KCNH1: variants seen among roughly 807,000 people sequenced by gnomAD.
KCNH1 encodes voltage-gated delayed rectifier potassium channel KCNH1.
Under a neutral mutation model 69.2 loss-of-function variants are expected in KCNH1, and 27 were observed. That is an observed-to-expected ratio of 0.39 (90% CI 0.29 to 0.54). KCNH1 has a LOEUF of 0.54. Among genes scored for constraint, KCNH1 ranks in the 20% least tolerant of loss-of-function variants. The pLI, the probability that KCNH1 is intolerant of heterozygous loss-of-function variation, is 0.68. For missense variants in KCNH1, 798 were observed against 1,261.6 expected (o/e 0.63, Z 5.57); for synonymous variants, 456 against 487.7 (o/e 0.93, Z 0.86).
intron 4 of KCNH1, among the ~76,000 whole-genome samples, chr1:211,087,067 T>C (rs1219074510): frequency 6.6e-6 from 1 of 152,134 alleles, no homozygotes; most frequent in Admixed American, 6.5e-5. Flanking sequence ...AATATTAACA[T>C]TGAAGGGGGT....
chr1:210,826,277 A>G (rs1685030594), intron 7 of KCNH1, among the ~76,000 whole-genome samples: 1 of 152,190 alleles, frequency 6.6e-6, no homozygotes, highest in South Asian at 2.1e-4. Flanking sequence ...CATCATCAGT[A>G]GGCGAGCTCT....
intron 7 of KCNH1, among the ~76,000 whole-genome samples, chr1:210,827,162 C>G (rs1423223321): frequency 6.6e-6 from 1 of 152,048 alleles, no homozygotes; most frequent in Non-Finnish European, 1.5e-5. Flanking sequence ...ACAGTGAAAC[C>G]CCATCTCTAT....
At chr1:210,929,639 C>T (rs991297888) in intron 6 of KCNH1, among the ~76,000 whole-genome samples, 4 of 152,116 alleles carry the variant, frequency 2.6e-5, no homozygotes, top group African/African-American at 4.8e-5. Context: ...TGCCCACTTT[C>T]GCCACTTCTA....
intron 5 of KCNH1, among the ~76,000 whole-genome samples, chr1:211,076,963 G>A (rs952729875): frequency 1.3e-5 from 2 of 152,186 alleles, no homozygotes; most frequent in Non-Finnish European, 2.9e-5. Context: ...TGCGACACAT[G>A]CACAAGCTTC....
At chr1:211,039,498 C>T (rs944751171) in intron 5 of KCNH1, among the ~76,000 whole-genome samples, 7 of 152,040 alleles carry the variant, frequency 4.6e-5, no homozygotes, top group Admixed American at 3.3e-4. Context: ...CACTGTGCAC[C>T]CAGAAAAGCC....
chr1:210,699,719 C>T (rs1277952165), intron 10 of KCNH1, among the ~76,000 whole-genome samples: 1 of 152,110 alleles, frequency 6.6e-6, no homozygotes, highest in Non-Finnish European at 1.5e-5. Flanking sequence ...CCAGTGGAGC[C>T]CATTCTACAC....
At chr1:210,694,586 C>T (rs1039590284) in intron 10 of KCNH1, among the ~76,000 whole-genome samples, 1 of 152,180 alleles carries the variant, frequency 6.6e-6, no homozygotes, top group Non-Finnish European at 1.5e-5. Context: ...GTCTGCAGTC[C>T]AAAATTCCCA....
At chr1:211,037,492 CTTTTTTTTT>C (rs59386390) in intron 5 of KCNH1, among the ~76,000 whole-genome samples, 1 of 115,394 alleles carries the variant, frequency 8.7e-6, no homozygotes, top group Admixed American at 8.9e-5. Context: ...TAATTCAGTG[CTTTTTTTTT>C]TTTTTTTTTT....
chr1:211,088,708 A>G (rs1690999414), intron 4 of KCNH1, among the ~76,000 whole-genome samples: 1 of 152,180 alleles, frequency 6.6e-6, no homozygotes, highest in Admixed American at 6.5e-5. Flanking sequence ...TATGTGTCAA[A>G]TTTTTATGAA....
chr1:210,724,485 T>C (rs1024486595), intron 10 of KCNH1, among the ~76,000 whole-genome samples: 5 of 152,150 alleles, frequency 3.3e-5, no homozygotes, highest in African/African-American at 1.2e-4. Flanking sequence ...TTTAAGTAAA[T>C]ATTCATCAAA....
intron 7 of KCNH1, chr1:210,860,358 A>G: frequency 6.9e-7 from 1 of 1,441,594 alleles, no homozygotes; most frequent in Non-Finnish European, 9.8e-7. Context: ...GTAAAACAGT[A>G]CCAATGACCT....
At chr1:210,780,422 C>A (rs1683953170) in intron 9 of KCNH1, among the ~76,000 whole-genome samples, 1 of 152,016 alleles carries the variant, frequency 6.6e-6, no homozygotes, top group African/African-American at 2.4e-5. Context: ...TAGACCCAAA[C>A]CAATTAAAAA....
At chr1:210,949,184 G>A (rs1285561942) in intron 6 of KCNH1, among the ~76,000 whole-genome samples, 2 of 152,292 alleles carry the variant, frequency 1.3e-5, no homozygotes, top group South Asian at 2.1e-4. Context: ...GACTGCCAGA[G>A]TAATTCAAAA....
At chr1:210,849,413 C>T (rs1405338760) in intron 7 of KCNH1, among the ~76,000 whole-genome samples, 1 of 143,064 alleles carries the variant, frequency 7.0e-6, no homozygotes. Flanking sequence ...TTTGCCCAGA[C>T]TGGAGTTCAA....
At chr1:210,937,082 G>T (rs924307564) in intron 6 of KCNH1, among the ~76,000 whole-genome samples, 4 of 152,018 alleles carry the variant, frequency 2.6e-5, no homozygotes, top group Admixed American at 2.6e-4. Flanking sequence ...CTGCCCTCCT[G>T]CCACATTTGC....
intron 2 of KCNH1, among the ~76,000 whole-genome samples, chr1:211,104,989 A>T (rs1411806446): frequency 6.6e-6 from 1 of 152,228 alleles, no homozygotes; most frequent in Admixed American, 6.5e-5. Context: ...ACAGGCTTCC[A>T]AATTCTGGTA....
At chr1:210,803,155 T>C (rs983194213) in intron 8 of KCNH1, among the ~76,000 whole-genome samples, 2 of 152,044 alleles carry the variant, frequency 1.3e-5, no homozygotes, top group Admixed American at 6.6e-5. Context: ...AAGGCTAGAG[T>C]GCAGTGGCAT....
chr1:210,973,681 T>G (rs564696258), intron 6 of KCNH1, among the ~76,000 whole-genome samples: 7 of 152,240 alleles, frequency 4.6e-5, no homozygotes, highest in African/African-American at 1.7e-4. Flanking sequence ...TATAGCAAAC[T>G]TACAATTTTA....
At chr1:210,946,330 C>T (rs571025109) in intron 6 of KCNH1, among the ~76,000 whole-genome samples, 109 of 152,240 alleles carry the variant, frequency 7.2e-4, no homozygotes, top group Middle Eastern at 3.4e-3. Flanking sequence ...CATGTGTATC[C>T]ATGCTGCCTT....
Sources: gnomAD v4.1 joint callset for allele counts (sites outside exome capture counted in the v4.1 genomes callset) on GRCh38, gnomAD v4.1.1 for gene constraint, MANE v1.5 for transcripts, NCBI Gene and HGNC (gene_info 2026-07-23, HGNC 2026-07-21) for gene names.